Variants in TSHZ2 observed in about 807,000 individuals in gnomAD.
TSHZ2 encodes the protein teashirt zinc finger homeobox 2.
TSHZ2 carries 21 observed loss-of-function variants against 74.4 expected under a neutral mutation model. The ratio of observed to expected loss-of-function variants is 0.28; its 90% CI spans 0.20 to 0.41. The LOEUF is 0.41. Ranked by LOEUF, TSHZ2 falls within the 10% of genes least tolerant of loss-of-function variation. The pLI is 1.00. For synonymous variants in TSHZ2, 540 were observed against 515.3 expected, an observed-to-expected ratio of 1.05 and a Z score of -0.65; for missense variants, 1,244 against 1,293.5, an observed-to-expected ratio of 0.96 and a Z score of 0.59.
chr20:53,111,025 A>T (rs1197500450), intron 1 of TSHZ2, among the ~76,000 whole-genome samples: 1 of 152,234 alleles, frequency 6.6e-6, no homozygotes, highest in Non-Finnish European at 1.5e-5. Context: ...GTTTTCAAAA[A>T]GTTCTCTGTG....
chr20:53,165,552 A>G (rs1005014297), intron 1 of TSHZ2, among the ~76,000 whole-genome samples: 12 of 152,322 alleles, frequency 7.9e-5, no homozygotes, highest in African/African-American at 2.9e-4. Context: ...TGGCTCTTTC[A>G]CTTTTTATTG....
chr20:53,277,958 G>A (rs753686492), intron 2 of TSHZ2, among the ~76,000 whole-genome samples: 5 of 152,156 alleles, frequency 3.3e-5, no homozygotes, highest in Admixed American at 6.5e-5. Context: ...TGATGCAGTA[G>A]CCACCTTCAG....
intron 1 of TSHZ2, among the ~76,000 whole-genome samples, chr20:53,088,079 A>G (rs890871701): frequency 1.3e-5 from 2 of 152,186 alleles, no homozygotes; most frequent in Non-Finnish European, 2.9e-5. Flanking sequence ...CTGTTGTCCC[A>G]TAAGTATCCT....
Position 53,101,721 on chromosome 20 carries a change from A to C in TSHZ2, c.40+128388A>C, listed in dbSNP as rs561407618. Among the ~76,000 whole-genome samples, 7 of 152,328 alleles carry C rather than the reference A, an allele frequency of 4.6e-5. No individual in the cohort carries two copies. The East Asian group carries it at 1.3e-3, about 29-fold the overall frequency. ...CTAATATACTTTGAAATTTGAAACA[A>C]GAATTGAGCTGAAAAGTTCATCATC... On this transcript the variant is annotated intron_variant, in intron 1 of 2. Coordinates refer to ENST00000371497, the MANE Select transcript of TSHZ2 (RefSeq NM_173485.6).
At chr20:53,392,597 G>A (rs1201943570) in intron 2 of TSHZ2, among the ~76,000 whole-genome samples, 3 of 152,280 alleles carry the variant, frequency 2.0e-5, no homozygotes, top group African/African-American at 4.8e-5. Flanking sequence ...AAAAGAGTAG[G>A]AGGAAATATA....
At chr20:53,361,911 TGTTG>T (rs1408772943) in intron 2 of TSHZ2, among the ~76,000 whole-genome samples, 1 of 30,830 alleles carries the variant, frequency 3.2e-5, no homozygotes, top group Middle Eastern at 0.016. Context: ...GTGTTGTTGT[TGTTG>T]TTTTGTGTTT....
At chr20:53,212,082 G>A (rs964558895) in intron 1 of TSHZ2, among the ~76,000 whole-genome samples, 1 of 152,082 alleles carries the variant, frequency 6.6e-6, no homozygotes, top group Admixed American at 6.5e-5. Flanking sequence ...ACTCTCAATC[G>A]TGTTCAGAAG....
At chr20:53,124,213 A>G (rs1035403354) in intron 1 of TSHZ2, among the ~76,000 whole-genome samples, 19 of 152,152 alleles carry the variant, frequency 1.2e-4, no homozygotes, top group African/African-American at 3.6e-4. Flanking sequence ...CCGGCCCTTC[A>G]CTACCCACTG....
chr20:53,313,073 G>A (rs550689209), intron 2 of TSHZ2, among the ~76,000 whole-genome samples: 5 of 152,112 alleles, frequency 3.3e-5, no homozygotes, highest in African/African-American at 4.8e-5. Flanking sequence ...AAAAATTCCC[G>A]GGAAGGTTTC....
chr20:53,380,854 A>G (rs970395952), intron 2 of TSHZ2, among the ~76,000 whole-genome samples: 2 of 152,234 alleles, frequency 1.3e-5, no homozygotes, highest in East Asian at 3.8e-4. Context: ...TATTATCATT[A>G]TATTATCGCT....
In TSHZ2 at chr20:53,341,241, G is replaced by A. The variant is rs555862326; in HGVS notation, c.*8+84670G>A. Among the ~76,000 whole-genome samples the A allele has an allele frequency of 1.1e-4, 17 of 152,188 alleles. No homozygotes were observed. The South Asian group carries it at 2.9e-3, about 26-fold the overall frequency. ...CAGCTTCCCTTATCCACCTCCGATC[G>A]CCAGCCTTCCAGAGCATTTGCTGAG... On this transcript the variant is annotated intron_variant, in intron 2 of 2. Coordinates refer to ENST00000371497, the MANE Select transcript of TSHZ2 (RefSeq NM_173485.6).
intron 2 of TSHZ2, among the ~76,000 whole-genome samples, chr20:53,430,369 T>A (rs1983797915): frequency 6.6e-6 from 1 of 151,942 alleles, no homozygotes; most frequent in Non-Finnish European, 1.5e-5. Context: ...CCTCCCAAAG[T>A]GCTGGGATTA....
At chr20:53,094,600 G>T (rs560228853) in intron 1 of TSHZ2, among the ~76,000 whole-genome samples, 1 of 152,226 alleles carries the variant, frequency 6.6e-6, no homozygotes, top group East Asian at 1.9e-4. Flanking sequence ...TTCTCCCCAC[G>T]GTGCAGTACA....
intron 1 of TSHZ2, among the ~76,000 whole-genome samples, chr20:53,136,642 A>G (rs1031226088): frequency 5.3e-5 from 8 of 152,228 alleles, no homozygotes; most frequent in African/African-American, 1.7e-4. Context: ...GGAACTTCCC[A>G]GCAGTTTGTG....
intron 2 of TSHZ2, among the ~76,000 whole-genome samples, chr20:53,483,376 G>C (rs1986209462): frequency 6.6e-6 from 1 of 151,966 alleles, no homozygotes; most frequent in African/African-American, 2.4e-5. Flanking sequence ...AGCCGGGCAT[G>C]GTGGCGCACC....
chr20:53,421,071 G>C (rs1480074608), intron 2 of TSHZ2: 1 of 152,206 alleles, frequency 6.6e-6, no homozygotes, highest in African/African-American at 2.4e-5. Flanking sequence ...GTCCCGCATT[G>C]GGTCATTCAG....
At chr20:53,337,602 A>G (rs1209538488) in intron 2 of TSHZ2, among the ~76,000 whole-genome samples, 4 of 152,226 alleles carry the variant, frequency 2.6e-5, no homozygotes, top group African/African-American at 9.7e-5. Context: ...AGGATCTTCC[A>G]TGACCTAGTT....
chr20:53,342,591 A>T (rs1372352288), intron 2 of TSHZ2, among the ~76,000 whole-genome samples: 1 of 152,066 alleles, frequency 6.6e-6, no homozygotes, highest in East Asian at 1.9e-4. Flanking sequence ...TCCCTATTGT[A>T]TTCTTTCATC....
intron 1 of TSHZ2, among the ~76,000 whole-genome samples, chr20:53,174,017 G>A (rs1225836458): frequency 6.6e-6 from 1 of 152,138 alleles, no homozygotes; most frequent in Non-Finnish European, 1.5e-5. Context: ...TACCCATGAA[G>A]GCATGGCCCT....
Sources: allele counts gnomAD v4.1 joint callset (sites outside exome capture counted in the v4.1 genomes callset), GRCh38; gene constraint gnomAD v4.1.1; transcripts MANE v1.5; gene names NCBI Gene and HGNC (gene_info 2026-07-23, HGNC 2026-07-21).